Variants in HNRNPC observed in about 807,000 individuals in gnomAD.
HNRNPC encodes the protein heterogeneous nuclear ribonucleoproteins C1/C2.
In HNRNPC, 3 loss-of-function variants were observed where a neutral mutation model predicts 33.2. That is an observed-to-expected ratio of 0.09 (90% CI 0.04 to 0.23). The LOEUF (loss-of-function observed/expected upper bound fraction) is 0.23. Ranked by LOEUF, HNRNPC falls within the 10% of genes least tolerant of loss-of-function variation. The probability of loss-of-function intolerance (pLI) is 1.00; values close to 1 mark genes in which losing one functional copy is unlikely to be tolerated. For synonymous variants in HNRNPC, 121 were observed against 126.7 expected, an observed-to-expected ratio of 0.96 and a Z score of 0.30; for missense variants, 143 against 366.7, an observed-to-expected ratio of 0.39 and a Z score of 4.98.
At chr14:21,219,006 A>G (rs186477532) in intron 5 of HNRNPC, among the ~76,000 whole-genome samples, 2 of 151,318 alleles carry the variant, frequency 1.3e-5, no homozygotes, top group African/African-American at 4.8e-5. Context: ...GCTACTTGGG[A>G]GGCTAAGGCA....
chr14:21,247,437 CAAT>C (rs1480501395), intron 2 of HNRNPC, among the ~76,000 whole-genome samples: 7 of 152,082 alleles, frequency 4.6e-5, no homozygotes, highest in Non-Finnish European at 5.9e-5. Flanking sequence ...AATTTTTGAA[CAAT>C]AATAATTAGT....
At chr14:21,220,331 T>C (rs1892685829) in intron 5 of HNRNPC, among the ~76,000 whole-genome samples, 1 of 151,134 alleles carries the variant, frequency 6.6e-6, no homozygotes, top group Non-Finnish European at 1.5e-5. Flanking sequence ...CTCCACCTCC[T>C]GCATTCAAGT....
chr14:21,249,388 A>G (rs373953757), intron 2 of HNRNPC, among the ~76,000 whole-genome samples: 9 of 151,132 alleles, frequency 6.0e-5, no homozygotes, highest in Admixed American at 4.6e-4. Context: ...CAGCCTGACC[A>G]ACATGGTGAA....
rs1465574692 is a variant in HNRNPC, at chr14:21,210,159, T to C, written c.*1064A>G. 6.6e-6 allele frequency: 1 copy of C among 152,188 alleles called. No homozygotes were observed. Among genetic ancestry groups the C allele is most frequent in the Non-Finnish European group, 1.5e-5 (1 of 68,046 alleles). The allele number at this position is 152,188 out of a possible 1,614,324, so 9.4% of individuals were successfully genotyped here. On this transcript the variant is annotated 3_prime_UTR_variant, in exon 9 of 9. Transcript: ENST00000553300. ...ACAAAATAGAAGCAGGGGGGTTCCA[T>C]TATGCAGCTGTCGCCATTTTCCTGA...
chr14:21,245,422 G>A (rs921904354), intron 2 of HNRNPC, among the ~76,000 whole-genome samples: 6 of 151,838 alleles, frequency 4.0e-5, no homozygotes, highest in South Asian at 2.1e-4. Context: ...GCTTGAACCC[G>A]GGGGGTGGAG....
chr14:21,263,187 T>A (rs1878494881), intron 2 of HNRNPC, 124 bp downstream of exon 2: 1 of 152,438 alleles, frequency 6.6e-6, no homozygotes, highest in South Asian at 2.1e-4. Context: ...GTCATTATCA[T>A]CATCATCATC....
chr14:21,241,974 A>G (rs1056518176), intron 2 of HNRNPC, among the ~76,000 whole-genome samples: 1 of 152,220 alleles, frequency 6.6e-6, no homozygotes, highest in Non-Finnish European at 1.5e-5. Flanking sequence ...GGGAAAATGA[A>G]TAATTCAATA....
chr14:21,243,538 CTTTT>C (rs926017455), intron 2 of HNRNPC, among the ~76,000 whole-genome samples: 8 of 152,138 alleles, frequency 5.3e-5, no homozygotes, highest in East Asian at 1.9e-4. Context: ...AAGATTACAT[CTTTT>C]TTTCTGTCAA....
chr14:21,268,278 T>G (rs1879349858), intron 1 of HNRNPC, among the ~76,000 whole-genome samples: 1 of 152,184 alleles, frequency 6.6e-6, no homozygotes, highest in Admixed American at 6.6e-5. Context: ...TTGCCCACAT[T>G]TAGGCGGACG....
At chr14:21,250,613 ATT>A (rs1460399358) in intron 2 of HNRNPC, among the ~76,000 whole-genome samples, 1 of 146,822 alleles carries the variant, frequency 6.8e-6, no homozygotes, top group Non-Finnish European at 1.5e-5. Context: ...CAGCTTTGAA[ATT>A]TTTAATTCTG....
At position 21,258,810 on chromosome 14, in the gene HNRNPC, C is replaced by T. The variant is rs143112170; in HGVS notation, c.-37+4501G>A. ...CAGACTGATTTTGCTCATTAATACA[C>T]CCAATAAAAACTCATTTGAAAAACC... On this transcript the variant is annotated intron_variant, in intron 2 of 8. Coordinates refer to ENST00000553300, the MANE Select transcript of HNRNPC (RefSeq NM_004500.4). 2.2e-4 allele frequency among the ~76,000 whole-genome samples: 33 copies of T among 152,274 alleles called. 1 individual carries two copies. In the East Asian group the frequency reaches 6.2e-3, roughly 28 times the overall value.
chr14:21,212,689 C>T (rs372991204), intron 6 of HNRNPC, among the ~76,000 whole-genome samples: 4 of 151,998 alleles, frequency 2.6e-5, no homozygotes, highest in Non-Finnish European at 4.4e-5. Flanking sequence ...ATTACATGCA[C>T]GCACCACCAT....
At chr14:21,235,379 T>C (rs1894585501) in intron 2 of HNRNPC, among the ~76,000 whole-genome samples, 1 of 152,182 alleles carries the variant, frequency 6.6e-6, no homozygotes, top group South Asian at 2.1e-4. Context: ...AAAAGTCTAA[T>C]GTATACATAT....
At chr14:21,213,993 C>T (rs1178105054) in intron 5 of HNRNPC, among the ~76,000 whole-genome samples, 1 of 152,156 alleles carries the variant, frequency 6.6e-6, no homozygotes, top group Admixed American at 6.5e-5. Context: ...GGTACACTTA[C>T]ATTTGTAAAG....
intron 3 of HNRNPC, among the ~76,000 whole-genome samples, chr14:21,233,113 T>A (rs1356795156): frequency 1.3e-5 from 2 of 152,048 alleles, no homozygotes; most frequent in African/African-American, 4.8e-5. Flanking sequence ...TTTTGGTACA[T>A]TAACCTCATT....
chr14:21,229,533 A>C (rs1893873901), intron 5 of HNRNPC, among the ~76,000 whole-genome samples: 1 of 152,170 alleles, frequency 6.6e-6, no homozygotes, highest in Non-Finnish European at 1.5e-5. Flanking sequence ...TGGCCTTCTA[A>C]TGACTACGTA....
chr14:21,220,632 AAAT>A (rs1402836039), intron 5 of HNRNPC, among the ~76,000 whole-genome samples: 8 of 152,336 alleles, frequency 5.3e-5, no homozygotes, highest in Non-Finnish European at 1.0e-4. Context: ...GACTTCTAGG[AAAT>A]AATAATCCAT....
chr14:21,211,251 T>C lies in HNRNPC; in HGVS notation c.854A>G (p.Asp285Gly). 6.2e-7 allele frequency: 1 copy of C among 1,614,094 alleles called. No homozygotes were observed. The highest frequency in any genetic ancestry group is 8.5e-7 in the Non-Finnish European group (1 of 1,180,010). Reference protein sequence around the residue: ...KEAEEGEDDRDSANGEDDS With the variant: ...KEAEEGEDDRGSANGEDDS ...AGAGTCATCCTCGCCATTGGCGCTG[T>C]CTCTGTCATCCTCTCCTTCCTCAGC... The change falls in exon 9 of 9, where the codon GAC becomes GGC. Residue 285 changes from aspartate to glycine, a missense_variant. This residue lies in a region of HNRNPC where 131 missense variants were observed against 253.0 expected (regional missense o/e 0.52). Coordinates refer to ENST00000553300, the MANE Select transcript of HNRNPC (RefSeq NM_004500.4).
intron 2 of HNRNPC, among the ~76,000 whole-genome samples, chr14:21,248,732 T>C (rs1413440812): frequency 2.0e-5 from 3 of 152,216 alleles, no homozygotes; most frequent in South Asian, 4.1e-4. Context: ...TTAATTACAG[T>C]GTCTACTGCA....
Sources: gnomAD v4.1 joint callset for allele counts (sites outside exome capture counted in the v4.1 genomes callset) on GRCh38, gnomAD v4.1.1 for gene constraint, gnomAD v4.1.1 regional missense constraint, MANE v1.5 for transcripts, NCBI Gene and HGNC (gene_info 2026-07-23, HGNC 2026-07-21) for gene names.